Variants in MYO5B observed in about 807,000 individuals in gnomAD.
The protein encoded by MYO5B is unconventional myosin-Vb.
In MYO5B, 143 loss-of-function variants were observed where a neutral mutation model predicts 229.3. The ratio of observed to expected loss-of-function variants is 0.62; its 90% CI spans 0.54 to 0.72. The LOEUF (loss-of-function observed/expected upper bound fraction) is 0.72. Ranked by LOEUF, MYO5B falls within the 30% of genes least tolerant of loss-of-function variation. The probability of loss-of-function intolerance (pLI) is 0.00; values close to 1 mark genes in which losing one functional copy is unlikely to be tolerated. For synonymous variants in MYO5B, 918 were observed against 885.2 expected (o/e 1.04, Z -0.66); for missense variants, 2,321 against 2,331.0 (o/e 1.00, Z 0.09).
chr18:49,992,318 G>C lies in MYO5B; in HGVS notation c.726C>G (p.Tyr242Ter). The change falls in exon 6 of 40, where the codon TAC (tyrosine) becomes TAG (stop). Residue 242 changes from tyrosine to a stop codon, truncating the protein, a stop_gained. Transcript: ENST00000285039. LOFTEE classifies it high-confidence loss of function. ...AGACCACTCTGGACTTCTCCAAGAGGTAAGTCCTCATGTTGGCCCCGATGA... is the reference window on the plus strand; with the variant it reads ...AGACCACTCTGGACTTCTCCAAGAGCTAAGTCCTCATGTTGGCCCCGATGA... Reference protein sequence around the residue: ...YHIIGANMRTYLLEKSRVVFQ... With the variant: ...YHIIGANMRT 1 of 1,614,168 alleles carries C rather than the reference G, an allele frequency of 6.2e-7. No individual in the cohort carries two copies. Among genetic ancestry groups the C allele is most frequent in the Non-Finnish European group, 8.5e-7 (1 of 1,180,026 alleles).
intron 1 of MYO5B, among the ~76,000 whole-genome samples, chr18:50,182,366 G>A (rs577238718): frequency 2.6e-5 from 4 of 152,240 alleles, no homozygotes; most frequent in Admixed American, 2.6e-4. Context: ...CTGGTTTTGG[G>A]GGTGTTTGTT....
At position 49,974,345 on chromosome 18, in the gene MYO5B, C is replaced by T; in HGVS notation, c.1322+5G>A. ...CAGATAGAGCGAGACAGGCGGCAGG[C>T]CTACCCATAGATGTCCAGGACCCCG... is the stretch of plus-strand genomic sequence containing the variant. On this transcript the variant is annotated splice_donor_5th_base_variant and intron_variant, in intron 10 of 39. Coordinates refer to ENST00000285039, the MANE Select transcript of MYO5B (RefSeq NM_001080467.3). The T allele has an allele frequency of 1.2e-6, 2 of 1,614,196 alleles. No individual in the cohort carries two copies. The highest frequency in any genetic ancestry group is 1.7e-6 in the Non-Finnish European group (2 of 1,180,030).
At chr18:50,174,114 C>T (rs1378085244) in intron 1 of MYO5B, among the ~76,000 whole-genome samples, 1 of 152,124 alleles carries the variant, frequency 6.6e-6, no homozygotes, top group Non-Finnish European at 1.5e-5. Context: ...TCTTCTCCTG[C>T]CTGTGGACAT....
At chr18:50,038,619 T>C (rs1444015109) in intron 3 of MYO5B, among the ~76,000 whole-genome samples, 2 of 152,208 alleles carry the variant, frequency 1.3e-5, no homozygotes, top group Non-Finnish European at 2.9e-5. Flanking sequence ...CGTGTTTTCC[T>C]TAAACATCCT....
At chr18:50,006,406 A>C (rs1409414006) in intron 4 of MYO5B, among the ~76,000 whole-genome samples, 2 of 152,146 alleles carry the variant, frequency 1.3e-5, no homozygotes, top group African/African-American at 4.8e-5. Context: ...ATTGGCAAGG[A>C]ATTTAGTACT....
At chr18:49,868,735 T>G (rs2024425027) in intron 27 of MYO5B, among the ~76,000 whole-genome samples, 1 of 152,146 alleles carries the variant, frequency 6.6e-6, no homozygotes, top group Non-Finnish European at 1.5e-5. Flanking sequence ...GGGCTAACAG[T>G]CACTGCAGGG....
At chr18:49,976,608 G>A (rs1398339203) in intron 9 of MYO5B, among the ~76,000 whole-genome samples, 1 of 152,178 alleles carries the variant, frequency 6.6e-6, no homozygotes, top group African/African-American at 2.4e-5. Context: ...ATTCTAATCC[G>A]ATGTCCCTTA....
At chr18:49,864,596 A>G (rs181001766) in intron 27 of MYO5B, among the ~76,000 whole-genome samples, 1 of 152,366 alleles carries the variant, frequency 6.6e-6, no homozygotes, top group Non-Finnish European at 1.5e-5. Context: ...GCACCTGCAC[A>G]ATGCCTCCAG....
rs140666709 is a variant in MYO5B, at chr18:49,965,081, C to T, written c.1323-2051G>A. Among the ~76,000 whole-genome samples the T allele has an allele frequency of 1.6e-4, 25 of 152,200 alleles. No homozygotes were observed. The East Asian group carries it at 1.9e-3, about 12-fold the overall frequency. On this transcript the variant is annotated intron_variant, in intron 10 of 39. Coordinates refer to ENST00000285039, the MANE Select transcript of MYO5B (RefSeq NM_001080467.3). ...GGGAGAGTGTGCAAGCCTGGAGGCACGAAGGTGAGCAAGGTAGTTCTTACT... is the reference window on the plus strand; with the variant it reads ...GGGAGAGTGTGCAAGCCTGGAGGCATGAAGGTGAGCAAGGTAGTTCTTACT...
In MYO5B at chr18:49,974,478, G is replaced by A. The variant is rs2025723436; in HGVS notation, c.1194C>T (p.Ile398=). 6.2e-7 allele frequency: 1 copy of A among 1,614,042 alleles called. No homozygotes were observed. The highest frequency in any genetic ancestry group is 1.7e-5 in the Admixed American group (1 of 60,012). The change falls in exon 10 of 40, where the codon ATC becomes ATT. Residue 398 remains isoleucine, a synonymous_variant. Transcript: ENST00000285039. The part of the protein sequence containing the change: ...YVKTMSLQQV[I]NARNALAKHI... ...GCTTCGCCAGGGCGTTGCGCGCATT[G>A]ATCACCTGCTGCAGGGACATGGTCT...
Position 49,826,485 on chromosome 18 carries a change from G to A in MYO5B, c.5533C>T (p.Leu1845Phe), listed in dbSNP as rs764637027. Residue 1845 changes from leucine to phenylalanine, a missense_variant, in exon 40 of 40, where the codon CTC becomes TTC. Leu to Phe is a conservative substitution (Grantham distance 22). Around this residue, in one of 2 missense-constraint regions of MYO5B, gnomAD observed 208 missense variants for 286.3 expected, o/e 0.73. Transcript: ENST00000285039. ...HIPACLNLEFLNEV is the reference protein window; with the variant it reads ...HIPACLNLEFFNEV ...AACATGCATCTTCAGACTTCATTGA[G>A]GAATTCCAGATTGAGACACGCTGGG... is the stretch of plus-strand genomic sequence containing the variant. The A allele has an allele frequency of 1.4e-5, 23 of 1,613,848 alleles. No homozygotes were observed. Among genetic ancestry groups the A allele is most frequent in the Admixed American group, 1.3e-4 (8 of 59,992 alleles).
intron 1 of MYO5B, among the ~76,000 whole-genome samples, chr18:50,105,249 A>AAAT (rs151090358): frequency 0.035 from 4,908 of 141,018 alleles, 86 homozygotes; most frequent in East Asian, 0.057. Flanking sequence ...ATAAATAAAT[A>AAAT]AAAAATAGAT....
intron 5 of MYO5B, among the ~76,000 whole-genome samples, chr18:49,997,118 G>A (rs1406430180): frequency 6.6e-6 from 1 of 151,812 alleles, no homozygotes; most frequent in Non-Finnish European, 1.5e-5. Flanking sequence ...AATACAAAAG[G>A]TAGCTGGTCA....
At chr18:50,112,890 T>A (rs2031892071) in intron 1 of MYO5B, among the ~76,000 whole-genome samples, 1 of 152,252 alleles carries the variant, frequency 6.6e-6, no homozygotes, top group South Asian at 2.1e-4. Context: ...GGTCATTTAT[T>A]TCAATAAGAC....
chr18:50,172,455 C>T (rs1434966859), intron 1 of MYO5B, among the ~76,000 whole-genome samples: 2 of 152,140 alleles, frequency 1.3e-5, no homozygotes, highest in African/African-American at 4.8e-5. Context: ...CAAGGTCCTA[C>T]CACTGTGAGT....
chr18:49,987,581 G>T (rs8092665), intron 7 of MYO5B, among the ~76,000 whole-genome samples: 1,836 of 152,228 alleles, frequency 0.012, 39 homozygotes, highest in African/African-American at 0.042. Flanking sequence ...GCAGTCAAAA[G>T]AACACAGAGG....
chr18:49,938,946 A>AC (rs2025281384), intron 14 of MYO5B, among the ~76,000 whole-genome samples: 1 of 149,598 alleles, frequency 6.7e-6, no homozygotes, highest in African/African-American at 2.5e-5. Flanking sequence ...GGACACCCTC[A>AC]CCCCCTCAAG....
intron 29 of MYO5B, among the ~76,000 whole-genome samples, chr18:49,860,690 A>C (rs550862876): frequency 1.7e-4 from 26 of 152,362 alleles, no homozygotes; most frequent in Non-Finnish European, 3.2e-4. Context: ...AATGTGATGG[A>C]AGCCCCCAGA....
At chr18:50,059,454 C>G (rs2030633870) in intron 1 of MYO5B, among the ~76,000 whole-genome samples, 1 of 152,178 alleles carries the variant, frequency 6.6e-6, no homozygotes, top group Admixed American at 6.5e-5. Context: ...TTAATGCCGA[C>G]TTTGGAAGAG....
Sources: allele counts gnomAD v4.1 joint callset (sites outside exome capture counted in the v4.1 genomes callset), GRCh38; gene constraint gnomAD v4.1.1; regional missense constraint gnomAD v4.1.1; transcripts MANE v1.5; gene names NCBI Gene and HGNC (gene_info 2026-07-23, HGNC 2026-07-21).